The following OR7E24 variants were observed in gnomAD, a reference collection of about 807,000 sequenced individuals.
OR7E24 encodes olfactory receptor 7E24.
For missense variants in OR7E24, 385 were observed against 410.3 expected (o/e 0.94, Z 0.53); for synonymous variants, 130 against 157.5 (o/e 0.83, Z 1.31).
the OR7E24 span, among the ~76,000 whole-genome samples, chr19:9,218,686 G>T: frequency 6.6e-6 from 1 of 152,164 alleles, no homozygotes; most frequent in African/African-American, 2.4e-5. Flanking sequence ...CTGGAGTGCG[G>T]GGTGCAGTCT....
At chr19:9,214,163 TAAG>T in the OR7E24 span, 1 of 1,614,038 alleles carries the variant, frequency 6.2e-7, no homozygotes, top group Non-Finnish European at 8.5e-7. Context: ...ACATTCCCAT[TAAG>T]GAGGAGACAA....
the OR7E24 span, among the ~76,000 whole-genome samples, chr19:9,221,140 C>T: frequency 8.6e-5 from 13 of 150,776 alleles, no homozygotes; most frequent in Admixed American, 2.6e-4. Context: ...GGCGTGGTGG[C>T]GGGCGCCTGT....
upstream of OR7E24, among the ~76,000 whole-genome samples, chr19:9,249,822 G>A (rs191091110): frequency 3.4e-4 from 52 of 152,148 alleles, no homozygotes; most frequent in African/African-American, 1.3e-3. Context: ...GCATGGTGGG[G>A]CGTGCGCCTG....
At position 9,252,111 on chromosome 19, in the gene OR7E24, G is replaced by T. The variant is rs779298221; in HGVS notation, c.*48G>T. On this transcript the variant is annotated 3_prime_UTR_variant, in exon 1 of 1. Coordinates refer to ENST00000456448, the MANE Select transcript of OR7E24 (RefSeq NM_001079935.2). Reference sequence around the variant, plus strand: ...CTAGGCCTGCAAATTCTGCCTCCTTGGTCACATTATTTTGGTTGCTTGATG... The same window carrying T: ...CTAGGCCTGCAAATTCTGCCTCCTTTGTCACATTATTTTGGTTGCTTGATG... The T allele has an allele frequency of 6.5e-7, 1 of 1,526,996 alleles. No homozygotes were observed. Among genetic ancestry groups the T allele is most frequent in the Non-Finnish European group, 8.9e-7 (1 of 1,122,122 alleles). The allele number at this position is 1,526,996 out of a possible 1,614,324, so 94.6% of individuals were successfully genotyped here.
chr19:9,248,689 CCT>C (rs1218923075), upstream of OR7E24, among the ~76,000 whole-genome samples: 3 of 152,192 alleles, frequency 2.0e-5, no homozygotes, highest in African/African-American at 7.2e-5. Flanking sequence ...CTCCCTTGCC[CCT>C]GTTTCTGGCT....
chr19:9,225,207 TCTA>T, the OR7E24 span, among the ~76,000 whole-genome samples: 3 of 151,898 alleles, frequency 2.0e-5, no homozygotes, highest in Admixed American at 6.6e-5. Context: ...AAACCCCATC[TCTA>T]CTAAAAAAAA....
chr19:9,243,716 G>A (rs2066122144), upstream of OR7E24, among the ~76,000 whole-genome samples: 1 of 152,182 alleles, frequency 6.6e-6, no homozygotes, highest in Non-Finnish European at 1.5e-5. Context: ...TCAAGCTGGT[G>A]CAATTGTTGC....
At chr19:9,219,748 C>T in the OR7E24 span, among the ~76,000 whole-genome samples, 5 of 152,182 alleles carry the variant, frequency 3.3e-5, no homozygotes, top group Non-Finnish European at 7.3e-5. Flanking sequence ...AAGAGTTTGG[C>T]TCCCTTTGAG....
upstream of OR7E24, among the ~76,000 whole-genome samples, chr19:9,248,535 C>T (rs2066136780): frequency 6.6e-6 from 1 of 152,156 alleles, no homozygotes; most frequent in African/African-American, 2.4e-5. Flanking sequence ...CCCCTGCTAA[C>T]TGTACCCTTC....
At chr19:9,238,808 A>G in the OR7E24 span, among the ~76,000 whole-genome samples, 2 of 152,232 alleles carry the variant, frequency 1.3e-5, no homozygotes, top group African/African-American at 2.4e-5. Context: ...TTCACTTACC[A>G]GAAAGTCCTG....
At chr19:9,216,301 G>A in the OR7E24 span, among the ~76,000 whole-genome samples, 1 of 152,268 alleles carries the variant, frequency 6.6e-6, no homozygotes, top group South Asian at 2.1e-4. Context: ...CTGATGAAGA[G>A]GTTGACCTTC....
the OR7E24 span, among the ~76,000 whole-genome samples, chr19:9,224,432 C>T: frequency 6.6e-6 from 1 of 152,004 alleles, no homozygotes; most frequent in Non-Finnish European, 1.5e-5. Context: ...TTCTAGAATC[C>T]TTAAAACCTG....
chr19:9,214,272 C>T, the OR7E24 span: 4 of 1,614,028 alleles, frequency 2.5e-6, no homozygotes, highest in Middle Eastern at 1.6e-4. Context: ...GGTGTTAGAG[C>T]AGGCCACCTT....
chr19:9,235,601 T>A, the OR7E24 span: 17 of 1,567,380 alleles, frequency 1.1e-5, no homozygotes, highest in Non-Finnish European at 1.5e-5. Flanking sequence ...TTCATCATTT[T>A]CTGGTTCTCC....
chr19:9,223,488 T>C, the OR7E24 span, among the ~76,000 whole-genome samples: 1 of 152,186 alleles, frequency 6.6e-6, no homozygotes, highest in Non-Finnish European at 1.5e-5. Context: ...CTGTCTACAC[T>C]GTTTCATCAT....
At chr19:9,215,361 A>ACC in the OR7E24 span, among the ~76,000 whole-genome samples, 3 of 147,542 alleles carry the variant, frequency 2.0e-5, no homozygotes, top group African/African-American at 5.2e-5. Context: ...AAAAAAAAAA[A>ACC]AAAACCTCTT....
At chr19:9,210,686 T>TCACACACACACACACACACACA in the OR7E24 span, 18 of 149,848 alleles carry the variant, frequency 1.2e-4, no homozygotes, top group African/African-American at 2.7e-4. Flanking sequence ...CTAGGTGATC[T>TCACACACACACACACACACACA]CACACACACA....
At chr19:9,225,393 GGGGAAGGAA>G in the OR7E24 span, among the ~76,000 whole-genome samples, 10 of 146,092 alleles carry the variant, frequency 6.8e-5, no homozygotes, top group Non-Finnish European at 1.2e-4. Flanking sequence ...GAAGGAAGGA[GGGGAAGGAA>G]GGGAAGGAGG....
the OR7E24 span, among the ~76,000 whole-genome samples, chr19:9,216,190 AC>A: frequency 2.0e-5 from 3 of 151,636 alleles, no homozygotes; most frequent in African/African-American, 7.3e-5. Flanking sequence ...GAGATCTGCC[AC>A]CCCCTGCACC....
Sources: gnomAD v4.1 joint callset for allele counts (sites outside exome capture counted in the v4.1 genomes callset) on GRCh38, gnomAD v4.1.1 for gene constraint, MANE v1.5 for transcripts, NCBI Gene and HGNC (gene_info 2026-07-23, HGNC 2026-07-21) for gene names.